Variants in NCKAP1 observed in about 807,000 individuals in gnomAD.
NCKAP1 encodes NCK associated protein 1.
NCKAP1 carries 21 observed loss-of-function variants against 151.2 expected under a neutral mutation model. The ratio of observed to expected loss-of-function variants is 0.14; its 90% CI spans 0.10 to 0.20. The LOEUF (loss-of-function observed/expected upper bound fraction) is 0.20. Ranked by LOEUF, NCKAP1 falls within the 10% of genes least tolerant of loss-of-function variation. NCKAP1 has a pLI of 1.00. For synonymous variants in NCKAP1, 484 were observed against 451.8 expected, an observed-to-expected ratio of 1.07 and a Z score of -0.90; for missense variants, 933 against 1,352.1, an observed-to-expected ratio of 0.69 and a Z score of 4.86.
intron 15 of NCKAP1, among the ~76,000 whole-genome samples, chr2:182,972,469 G>A (rs1050944455): frequency 2.6e-5 from 4 of 152,158 alleles, no homozygotes; most frequent in African/African-American, 9.7e-5. Flanking sequence ...TATACTGCAG[G>A]TGGGAATGTG....
chr2:182,954,072 A>T (rs1459998470), intron 20 of NCKAP1, among the ~76,000 whole-genome samples: 1 of 152,140 alleles, frequency 6.6e-6, no homozygotes, highest in Admixed American at 6.5e-5. Flanking sequence ...ACTTATCACT[A>T]TATCTCCCAG....
At chr2:182,931,201 G>A (rs918367230) in intron 26 of NCKAP1, among the ~76,000 whole-genome samples, 2 of 151,952 alleles carry the variant, frequency 1.3e-5, no homozygotes, top group East Asian at 1.9e-4. Context: ...TAATCATATC[G>A]TATCTATAAA....
chr2:182,955,971 G>A (rs1697317129), intron 20 of NCKAP1, among the ~76,000 whole-genome samples: 1 of 152,156 alleles, frequency 6.6e-6, no homozygotes, highest in Non-Finnish European at 1.5e-5. Flanking sequence ...GGTGTTACTA[G>A]TTAATACTAA....
chr2:183,030,083 T>C lies in NCKAP1; in HGVS notation c.109-6167A>G, dbSNP rs1191305688. 1.7e-4 allele frequency among the ~76,000 whole-genome samples: 26 copies of C among 152,140 alleles called. 1 individual carries two copies. Among genetic ancestry groups the C allele is most frequent in the Admixed American group, 1.7e-3 (26 of 15,274 alleles). On this transcript the variant is annotated intron_variant, in intron 1 of 30. Transcript: ENST00000361354. ...TTCCAAAACACTATCTAAAAATATA[T>C]GTCCCCTCCCAAAAATAATGTTTAA... is the stretch of plus-strand genomic sequence containing the variant.
At chr2:182,925,845 A>G (rs1442340343) in intron 30 of NCKAP1, 27 bp from the exon 31 acceptor site, 2 of 1,299,724 alleles carry the variant, frequency 1.5e-6, no homozygotes, top group Non-Finnish European at 2.1e-6. Flanking sequence ...ATCCATCAAA[A>G]CAAGTTATTT....
intron 1 of NCKAP1, among the ~76,000 whole-genome samples, chr2:183,037,171 A>G (rs965079670): frequency 2.6e-5 from 4 of 152,250 alleles, no homozygotes; most frequent in African/African-American, 9.6e-5. Flanking sequence ...AAATGGGCCT[A>G]TTAGCTATAG....
chr2:183,014,182 C>A (rs528576652), intron 2 of NCKAP1, among the ~76,000 whole-genome samples: 15 of 152,134 alleles, frequency 9.9e-5, no homozygotes, highest in Non-Finnish European at 1.8e-4. Flanking sequence ...CAGAACAGAA[C>A]TTGGCTCATA....
At chr2:182,970,515 T>C (rs1697665230) in intron 15 of NCKAP1, among the ~76,000 whole-genome samples, 1 of 152,150 alleles carries the variant, frequency 6.6e-6, no homozygotes, top group South Asian at 2.1e-4. Flanking sequence ...TCAACATCTC[T>C]TCATAATAAA....
rs555194312 is a variant in NCKAP1 at position 182,935,151 on chromosome 2, T to C, written c.2778+142A>G. ...AAATGAGCTTAAATAACTAATTTTATGTATGTTATTTTCTGTAACTACTAA... is the reference window on the plus strand; with the variant it reads ...AAATGAGCTTAAATAACTAATTTTACGTATGTTATTTTCTGTAACTACTAA... On this transcript the variant is annotated intron_variant, in intron 25 of 30. Coordinates refer to ENST00000361354, the MANE Select transcript of NCKAP1 (RefSeq NM_013436.5). The C allele has an allele frequency of 1.3e-3, 882 of 661,844 alleles. 2 individuals are homozygous for C. Among genetic ancestry groups the C allele is most frequent in the Non-Finnish European group, 2.0e-3 (808 of 401,264 alleles). The allele number at this position is 661,844 out of a possible 1,614,324, so 41.0% of individuals were successfully genotyped here.
intron 26 of NCKAP1, 57 bp from the exon 27 acceptor site, chr2:182,930,845 G>C: frequency 6.8e-7 from 1 of 1,462,128 alleles, no homozygotes; most frequent in East Asian, 2.3e-5. Context: ...TTCTGAGAAA[G>C]CTCACTGTTT....
chr2:182,981,576 A>G (rs1325507535), intron 12 of NCKAP1, among the ~76,000 whole-genome samples, 200 bp from the exon 13 acceptor site: 4 of 152,130 alleles, frequency 2.6e-5, no homozygotes, highest in Non-Finnish European at 5.9e-5. Flanking sequence ...AGAAAGAAAA[A>G]AAGTTAAAGC....
In NCKAP1 at chr2:182,919,584, A is replaced by G. The variant is rs776684678; in HGVS notation, c.*6118T>C. 3.9e-5 allele frequency: 6 copies of G among 151,932 alleles called. No individual in the cohort carries two copies. Among genetic ancestry groups the G allele is most frequent in the Non-Finnish European group, 5.9e-5 (4 of 67,988 alleles). 9.4% of individuals were successfully genotyped at this position (151,932 alleles called of 1,614,324 possible). On this transcript the variant is annotated 3_prime_UTR_variant, in exon 31 of 31. Coordinates refer to ENST00000361354, the MANE Select transcript of NCKAP1 (RefSeq NM_013436.5). ...GGAGTGAAACTCATGTGTTTTATACATTGAATGCTATCAGTTCAAGGGTGA... is the reference window on the plus strand; with the variant it reads ...GGAGTGAAACTCATGTGTTTTATACGTTGAATGCTATCAGTTCAAGGGTGA...
At chr2:182,937,375 C>T (rs1347410601) in intron 24 of NCKAP1, among the ~76,000 whole-genome samples, 1 of 152,064 alleles carries the variant, frequency 6.6e-6, no homozygotes, top group African/African-American at 2.4e-5. Context: ...CTGGCACTTC[C>T]CTTCACCCCA....
chr2:182,925,411 T>C lies in NCKAP1; in HGVS notation c.*291A>G, dbSNP rs1696622640. On this transcript the variant is annotated 3_prime_UTR_variant, in exon 31 of 31. Transcript: ENST00000361354. ...TTTTCAGAAATAAACAAGCAAAGAT[T>C]TTTTTCATTATCAAATATCAAAAAC... The C allele has an allele frequency of 5.8e-6, 1 of 172,534 alleles. No homozygotes were observed. The highest frequency in any genetic ancestry group is 1.2e-5 in the Non-Finnish European group (1 of 81,352). The allele number at this position is 172,534 out of a possible 1,614,324, so 10.7% of individuals were successfully genotyped here. A position where few individuals can be genotyped will look rare whatever the true frequency, so the allele number is the denominator to read the frequency against.
intron 23 of NCKAP1, among the ~76,000 whole-genome samples, chr2:182,948,879 T>C (rs1697159582): frequency 6.6e-6 from 1 of 152,198 alleles, no homozygotes; most frequent in Non-Finnish European, 1.5e-5. Context: ...GTACTCTCAC[T>C]CATCACACCT....
At chr2:182,988,223 G>A (rs953707864) in intron 9 of NCKAP1, among the ~76,000 whole-genome samples, 7 of 152,056 alleles carry the variant, frequency 4.6e-5, no homozygotes, top group South Asian at 2.1e-4. Flanking sequence ...TACATTTAGC[G>A]TCAGACATAT....
chr2:182,989,575 T>C (rs1287853229), intron 8 of NCKAP1, among the ~76,000 whole-genome samples: 1 of 152,232 alleles, frequency 6.6e-6, no homozygotes, highest in African/African-American at 2.4e-5. Flanking sequence ...GGCCCGGTGC[T>C]GTGGCTTATG....
At chr2:182,967,144 C>A (rs556700016) in intron 16 of NCKAP1, 72 bp downstream of exon 16, 43 of 1,425,120 alleles carry the variant, frequency 3.0e-5, no homozygotes, top group African/African-American at 1.0e-4. Context: ...TATGCTAACA[C>A]AAAAATAATC....
chr2:182,955,562 T>C (rs1479895038), intron 20 of NCKAP1, among the ~76,000 whole-genome samples: 3 of 152,154 alleles, frequency 2.0e-5, no homozygotes, highest in Non-Finnish European at 4.4e-5. Context: ...AATTCAAGAA[T>C]CTAGAATTCT....
Sources: gnomAD v4.1 joint callset for allele counts (sites outside exome capture counted in the v4.1 genomes callset) on GRCh38, gnomAD v4.1.1 for gene constraint, MANE v1.5 for transcripts, NCBI Gene and HGNC (gene_info 2026-07-23, HGNC 2026-07-21) for gene names.